Variants in SLC2A13 observed in about 807,000 individuals in gnomAD.
SLC2A13 encodes proton myo-inositol cotransporter.
A neutral mutation model predicts 64.4 loss-of-function variants in SLC2A13; 32 were observed. The ratio of observed to expected loss-of-function variants is 0.50; its 90% confidence interval spans 0.37 to 0.67. The LOEUF is 0.67. Among genes scored for constraint, SLC2A13 ranks in the 30% least tolerant of loss-of-function variants. SLC2A13 has a pLI of 0.00. For synonymous variants in SLC2A13, 338 were observed against 327.1 expected (o/e 1.03, Z -0.36); for missense variants, 743 against 829.2 (o/e 0.90, Z 1.28).
chr12:39,936,107 A>G (rs1262823080), intron 4 of SLC2A13, among the ~76,000 whole-genome samples: 1 of 152,234 alleles, frequency 6.6e-6, no homozygotes, highest in African/African-American at 2.4e-5. Context: ...GACATAATTG[A>G]TTTTGTTGCA....
intron 7 of SLC2A13, among the ~76,000 whole-genome samples, chr12:39,808,464 T>C (rs1038757274): frequency 9.9e-5 from 15 of 152,184 alleles, no homozygotes; most frequent in African/African-American, 3.4e-4. Context: ...AAATGTGTCA[T>C]AATTGAATTA....
intron 4 of SLC2A13, among the ~76,000 whole-genome samples, chr12:39,932,092 A>T (rs1945834519): frequency 6.6e-6 from 1 of 152,182 alleles, no homozygotes; most frequent in African/African-American, 2.4e-5. Context: ...AGGCTCTTGC[A>T]ACACATTTTC....
intron 1 of SLC2A13, among the ~76,000 whole-genome samples, chr12:40,085,044 T>A (rs977377602): frequency 3.9e-5 from 6 of 152,160 alleles, no homozygotes; most frequent in Non-Finnish European, 7.3e-5. Flanking sequence ...ATGACACTTC[T>A]TTAAAAGGTG....
chr12:39,769,233 T>C (rs1223994553), intron 7 of SLC2A13, among the ~76,000 whole-genome samples: 2 of 152,160 alleles, frequency 1.3e-5, no homozygotes, highest in Admixed American at 6.5e-5. Context: ...ATTGCCTCAA[T>C]TAATTAAAAT....
chr12:40,085,967 T>C (rs1296167470), intron 1 of SLC2A13, among the ~76,000 whole-genome samples: 1 of 152,122 alleles, frequency 6.6e-6, no homozygotes, highest in Non-Finnish European at 1.5e-5. Flanking sequence ...CTCCACCAAG[T>C]AGCTGGGATT....
At chr12:39,885,179 TCA>T (rs1944438766) in intron 4 of SLC2A13, among the ~76,000 whole-genome samples, 1 of 152,146 alleles carries the variant, frequency 6.6e-6, no homozygotes, top group Non-Finnish European at 1.5e-5. Flanking sequence ...GGAAGAAGGA[TCA>T]CTGGAGGAAC....
chr12:40,025,024 T>C (rs781062345), intron 3 of SLC2A13, among the ~76,000 whole-genome samples: 3 of 152,250 alleles, frequency 2.0e-5, no homozygotes, highest in African/African-American at 7.2e-5. Context: ...CTACAGGATG[T>C]ATCAACAGTG....
At chr12:39,829,981 G>T in intron 7 of SLC2A13, 122 bp downstream of exon 7, 2 of 1,205,892 alleles carry the variant, frequency 1.7e-6, no homozygotes, top group Non-Finnish European at 2.4e-6. Context: ...ATGCTGCAAA[G>T]TAATGTAGTT....
At chr12:39,876,524 A>G (rs1303621974) in intron 4 of SLC2A13, among the ~76,000 whole-genome samples, 1 of 152,234 alleles carries the variant, frequency 6.6e-6, no homozygotes, top group Admixed American at 6.5e-5. Flanking sequence ...AGAAGAAATT[A>G]AGAATAATTA....
intron 7 of SLC2A13, among the ~76,000 whole-genome samples, chr12:39,811,058 G>A (rs888263376): frequency 2.6e-5 from 4 of 152,046 alleles, no homozygotes; most frequent in Non-Finnish European, 4.4e-5. Context: ...TCTTTGTGGG[G>A]AGATTTTTAA....
At chr12:40,076,571 T>G (rs1387284145) in intron 1 of SLC2A13, among the ~76,000 whole-genome samples, 2 of 152,202 alleles carry the variant, frequency 1.3e-5, no homozygotes, top group Non-Finnish European at 2.9e-5. Context: ...ACATCTAGGT[T>G]GATTCCATGT....
intron 1 of SLC2A13, among the ~76,000 whole-genome samples, chr12:40,076,675 G>A (rs566936357): frequency 6.6e-6 from 1 of 152,256 alleles, no homozygotes; most frequent in South Asian, 2.1e-4. Flanking sequence ...ACCCAGTAAG[G>A]GGACTGCTGG....
chr12:40,101,262 A>G (rs570350955), intron 1 of SLC2A13, among the ~76,000 whole-genome samples: 1 of 152,276 alleles, frequency 6.6e-6, no homozygotes, highest in African/African-American at 2.4e-5. Context: ...CCAGTCAAGA[A>G]AACAGAACCC....
chr12:39,933,811 G>A (rs1023088000), intron 4 of SLC2A13, among the ~76,000 whole-genome samples: 2 of 152,142 alleles, frequency 1.3e-5, no homozygotes, highest in Non-Finnish European at 2.9e-5. Context: ...CACTCACTGA[G>A]ATGGGTAAGA....
At chr12:39,993,752 A>T (rs183422247) in intron 3 of SLC2A13, among the ~76,000 whole-genome samples, 14 of 152,344 alleles carry the variant, frequency 9.2e-5, no homozygotes, top group Non-Finnish European at 1.5e-5. Context: ...TTATGTTCTT[A>T]TGTAATGATT....
chr12:39,968,096 G>A (rs1248059996), intron 3 of SLC2A13, among the ~76,000 whole-genome samples: 4 of 152,072 alleles, frequency 2.6e-5, no homozygotes, highest in Non-Finnish European at 5.9e-5. Flanking sequence ...AGACATACCC[G>A]AGATTGGGTA....
chr12:39,979,577 C>T (rs556624303), intron 3 of SLC2A13, among the ~76,000 whole-genome samples: 2 of 148,670 alleles, frequency 1.3e-5, no homozygotes, highest in African/African-American at 2.5e-5. Flanking sequence ...GTATCAGCAA[C>T]GGAAGATGAA....
intron 7 of SLC2A13, among the ~76,000 whole-genome samples, chr12:39,822,575 T>C (rs534380512): frequency 6.6e-6 from 1 of 152,332 alleles, no homozygotes; most frequent in South Asian, 2.1e-4. Context: ...TTCTGATGCT[T>C]ACTTGCCCCA....
Position 39,764,506 on chromosome 12 carries a change from C to G in SLC2A13, c.1674G>C (p.Leu558=), listed in dbSNP as rs142497167. The G allele has an allele frequency of 3.6e-4, 579 of 1,610,290 alleles. 3 individuals are homozygous for G. In the African/African-American group the frequency reaches 6.6e-3, roughly 18 times the overall value. Residue 558 remains leucine, a synonymous_variant, in exon 9 of 10, where the codon CTG becomes CTC. Coordinates refer to ENST00000280871, the MANE Select transcript of SLC2A13 (RefSeq NM_052885.4). The stretch of plus-strand genomic sequence containing the variant: ...CTGTGTGTAAAAATGTTAGTGAAAC[C>G]AGGACATTGAAAATCCAGTTTATTC... The part of the protein sequence containing the change: ...SSGINWIFNV[L]VSLTFLHTAE...
Sources: allele counts gnomAD v4.1 joint callset (sites outside exome capture counted in the v4.1 genomes callset), GRCh38; gene constraint gnomAD v4.1.1; transcripts MANE v1.5; gene names NCBI Gene and HGNC (gene_info 2026-07-23, HGNC 2026-07-21).